JMJD1C: variants seen among roughly 807,000 people sequenced by gnomAD.
JMJD1C encodes the protein jumonji domain containing 1C.
JMJD1C carries 31 observed loss-of-function variants against 245.3 expected under a neutral mutation model. That is an observed-to-expected ratio of 0.13 (90% CI 0.09 to 0.17). JMJD1C has a LOEUF of 0.17. Ranked by LOEUF, JMJD1C falls within the 10% of genes least tolerant of loss-of-function variation. The probability of loss-of-function intolerance (pLI) is 1.00; values close to 1 mark genes in which losing one functional copy is unlikely to be tolerated. For synonymous variants in JMJD1C, 1,057 were observed against 1,017.4 expected (o/e 1.04, Z -0.74); for missense variants, 2,691 against 3,000.2 (o/e 0.90, Z 2.41).
chr10:63,512,289 C>CTT (rs34129211), intron 1 of JMJD1C, among the ~76,000 whole-genome samples: 5 of 148,554 alleles, frequency 3.4e-5, no homozygotes, highest in South Asian at 2.1e-4. Flanking sequence ...TCTCTCTGAA[C>CTT]TTTTTTTTTT....
At chr10:63,349,195 C>T (rs1258163260) in intron 2 of JMJD1C, among the ~76,000 whole-genome samples, 1 of 150,672 alleles carries the variant, frequency 6.6e-6, no homozygotes, top group Non-Finnish European at 1.5e-5. Flanking sequence ...TCCCCAAAGC[C>T]CTCACCAGAA....
chr10:63,174,217 C>A (rs1321155333), intron 24 of JMJD1C, among the ~76,000 whole-genome samples: 1 of 152,116 alleles, frequency 6.6e-6, no homozygotes, highest in East Asian at 1.9e-4. Flanking sequence ...AATCTTTGTT[C>A]ACATAAAACC....
chr10:63,337,567 A>AG (rs1428410221), intron 2 of JMJD1C, among the ~76,000 whole-genome samples: 2 of 46,878 alleles, frequency 4.3e-5, no homozygotes, highest in Non-Finnish European at 7.2e-5. Flanking sequence ...AGAAAAGAAA[A>AG]GAAAAGAAAA....
intron 1 of JMJD1C, among the ~76,000 whole-genome samples, chr10:63,502,225 G>A (rs1316233689): frequency 6.6e-6 from 1 of 152,118 alleles, no homozygotes; most frequent in Non-Finnish European, 1.5e-5. Flanking sequence ...CCCAAGTAAG[G>A]TTACCCCTAA....
At chr10:63,427,838 CAGCCAAGGA>C in intron 1 of JMJD1C, 4 of 1,025,556 alleles carry the variant, frequency 3.9e-6, no homozygotes, top group Non-Finnish European at 6.2e-6. Context: ...CTTGTTGAGA[CAGCCAAGGA>C]AGCCAAGGAG....
chr10:63,228,040 G>T (rs958407611), intron 3 of JMJD1C, among the ~76,000 whole-genome samples: 2 of 152,100 alleles, frequency 1.3e-5, no homozygotes, highest in Non-Finnish European at 2.9e-5. Flanking sequence ...TATACCACCT[G>T]CAGTTAACTA....
chr10:63,360,888 G>C (rs1040250498), intron 2 of JMJD1C, among the ~76,000 whole-genome samples: 3 of 151,956 alleles, frequency 2.0e-5, no homozygotes, highest in Non-Finnish European at 4.4e-5. Flanking sequence ...GGGATCAAGC[G>C]ATTCTCCTGC....
chr10:63,480,997 C>G (rs1400065683), intron 1 of JMJD1C, among the ~76,000 whole-genome samples: 1 of 152,150 alleles, frequency 6.6e-6, no homozygotes, highest in Non-Finnish European at 1.5e-5. Flanking sequence ...CTCATCAGAA[C>G]TAAGTATCAT....
At chr10:63,267,847 C>T (rs1335123570) in intron 2 of JMJD1C, among the ~76,000 whole-genome samples, 1 of 151,906 alleles carries the variant, frequency 6.6e-6, no homozygotes, top group Non-Finnish European at 1.5e-5. Context: ...TAGGGCCTAC[C>T]AAACTATAGG....
chr10:63,404,115 A>C (rs1034963829), intron 1 of JMJD1C, among the ~76,000 whole-genome samples: 1 of 147,384 alleles, frequency 6.8e-6, no homozygotes, highest in African/African-American at 2.5e-5. Context: ...ACTCCATCTC[A>C]AAAAAAAAAA....
chr10:63,186,380 C>A lies in JMJD1C; in HGVS notation c.6574G>T (p.Ala2192Ser), dbSNP rs763263818. 6.2e-7 allele frequency: 1 copy of A among 1,600,418 alleles called. No individual in the cohort carries two copies. Among genetic ancestry groups the A allele is most frequent in the Non-Finnish European group, 8.5e-7 (1 of 1,173,902 alleles). The change falls in exon 19 of 26, where the codon GCA becomes TCA. Residue 2192 changes from alanine to serine, a missense_variant. By Grantham distance (99) the Ala-to-Ser change is moderately conservative (BLOSUM62 1). Transcript: ENST00000399262. ...FKECWKQGQP[A>S]VVSGVHKKMN... Reference sequence around the variant, plus strand: ...TTCTTATGCACACCAGAAACCACTGCAGGCTTATAAATAGATAAATAAATA... The same window carrying A: ...TTCTTATGCACACCAGAAACCACTGAAGGCTTATAAATAGATAAATAAATA...
chr10:63,349,224 C>A (rs1944128152), intron 2 of JMJD1C, among the ~76,000 whole-genome samples: 1 of 150,422 alleles, frequency 6.6e-6, no homozygotes, highest in African/African-American at 2.4e-5. Flanking sequence ...TGGCATCATG[C>A]TTCTTCTACA....
chr10:63,520,200 G>C (rs914762002), intron 1 of JMJD1C, among the ~76,000 whole-genome samples: 2 of 152,134 alleles, frequency 1.3e-5, no homozygotes, highest in Non-Finnish European at 2.9e-5. Flanking sequence ...TTCCATGCAA[G>C]TCAGAGTATT....
rs1404055219 is a variant in JMJD1C, at chr10:63,193,712, G to A, written c.5735-240C>T. 3 of 275,162 alleles carry A rather than the reference G, an allele frequency of 1.1e-5. No individual in the cohort carries two copies. The Admixed American group carries it at 1.5e-4, about 14-fold the overall frequency. 17.0% of individuals were successfully genotyped at this position (275,162 alleles called of 1,614,324 possible). A position where few individuals can be genotyped will look rare whatever the true frequency, so the allele number is the denominator to read the frequency against. On this transcript the variant is annotated intron_variant, in intron 14 of 25. Transcript: ENST00000399262. Reference sequence around the variant, plus strand: ...GACGGAGTCTTGCTCTGTCACCCAGGCTGGAGTGCAGTGGCGCCATCTGGG... The same window carrying A: ...GACGGAGTCTTGCTCTGTCACCCAGACTGGAGTGCAGTGGCGCCATCTGGG...
chr10:63,241,713 T>C (rs1329341441), intron 3 of JMJD1C, among the ~76,000 whole-genome samples: 2 of 152,200 alleles, frequency 1.3e-5, no homozygotes, highest in Non-Finnish European at 1.5e-5. Flanking sequence ...TTTACTTTTC[T>C]CCATAGTACT....
chr10:63,389,640 A>G (rs532421343), intron 1 of JMJD1C, among the ~76,000 whole-genome samples: 2 of 152,024 alleles, frequency 1.3e-5, no homozygotes, highest in Admixed American at 1.3e-4. Flanking sequence ...GATAGACCAT[A>G]TTTTTGGACA....
At position 63,361,719 on chromosome 10, in the gene JMJD1C, T is replaced by TAAAAAAAAA. The variant is rs55879769; in HGVS notation, c.333+18590_333+18598dup. ...GGCAACAGAACAATACTGTCTCAAC[T>TAAAAAAAAA]AAAAAAAAAAAAAAAAAAAAAAAAA... On this transcript the variant is annotated intron_variant, in intron 2 of 25. Coordinates refer to ENST00000399262, the MANE Select transcript of JMJD1C (RefSeq NM_032776.3). 7.4e-4 allele frequency among the ~76,000 whole-genome samples: 71 copies of TAAAAAAAAA among 95,540 alleles called. 1 individual carries two copies. Among genetic ancestry groups the TAAAAAAAAA allele is most frequent in the African/African-American group, 2.2e-3 (50 of 22,622 alleles). 62.7% of individuals were successfully genotyped at this position (95,540 alleles called of 152,430 possible).
At chr10:63,358,127 G>A (rs1440929665) in intron 2 of JMJD1C, among the ~76,000 whole-genome samples, 1 of 151,940 alleles carries the variant, frequency 6.6e-6, no homozygotes, top group Non-Finnish European at 1.5e-5. Flanking sequence ...CAAAAGAGAT[G>A]AATAGATATA....
chr10:63,521,141 A>G (rs562547028), intron 1 of JMJD1C, among the ~76,000 whole-genome samples: 14 of 152,220 alleles, frequency 9.2e-5, no homozygotes, highest in African/African-American at 3.4e-4. Flanking sequence ...CAAAGAGCTA[A>G]GGAGGGTAAG....
Sources: gnomAD v4.1 joint callset for allele counts (sites outside exome capture counted in the v4.1 genomes callset) on GRCh38, gnomAD v4.1.1 for gene constraint, MANE v1.5 for transcripts, NCBI Gene and HGNC (gene_info 2026-07-23, HGNC 2026-07-21) for gene names.